ADAM32: variants seen among roughly 807,000 people sequenced by gnomAD.
ADAM32 encodes disintegrin and metalloproteinase domain-containing protein 32.
In ADAM32, 89 loss-of-function variants were observed where a neutral mutation model predicts 114.9. The ratio of observed to expected loss-of-function variants is 0.77; its 90% CI spans 0.65 to 0.92. ADAM32 has a LOEUF of 0.92. Ranked by LOEUF, ADAM32 falls within the 40% of genes least tolerant of loss-of-function variation. The pLI is 0.00. For missense variants in ADAM32, 870 were observed against 932.8 expected (o/e 0.93, Z 0.88); for synonymous variants, 285 against 307.5 (o/e 0.93, Z 0.77).
chr8:39,258,615 G>A (rs1042268456), intron 19 of ADAM32, among the ~76,000 whole-genome samples: 1 of 151,916 alleles, frequency 6.6e-6, no homozygotes, highest in Non-Finnish European at 1.5e-5. Flanking sequence ...TTAAATGTTG[G>A]AACAAAAAAT....
At chr8:39,151,688 T>C (rs1585407841) in intron 6 of ADAM32, 140 bp downstream of exon 6, 15 of 685,816 alleles carry the variant, frequency 2.2e-5, no homozygotes, top group Middle Eastern at 4.4e-4. Context: ...TTTTTTTTTT[T>C]TTTCTCACTC....
In ADAM32 at chr8:39,164,811, C is replaced by G; in HGVS notation, c.642C>G (p.Ile214Met). The change falls in exon 8 of 25, where the codon ATC becomes ATG. Residue 214 changes from isoleucine (I) to methionine (M), a missense_variant. Coordinates refer to ENST00000379907, the MANE Select transcript of ADAM32 (RefSeq NM_145004.7). Reference protein sequence around the residue: ...SDSMIVTNKVIEIVGLANSMF... With the variant: ...SDSMIVTNKVMEIVGLANSMF... The stretch of plus-strand genomic sequence containing the variant: ...GCATGATAGTAACAAATAAAGTCAT[C>G]GAAATTGTTGGCCTTGCAAATTCAG... 6.2e-7 allele frequency: 1 copy of G among 1,607,696 alleles called. No homozygotes were observed. Among genetic ancestry groups the G allele is most frequent in the Non-Finnish European group, 8.5e-7 (1 of 1,176,946 alleles).
chr8:39,178,035 T>C lies in ADAM32; in HGVS notation c.915+8038T>C, dbSNP rs560649831. 1.2e-4 allele frequency among the ~76,000 whole-genome samples: 18 copies of C among 152,256 alleles called. No individual in the cohort carries two copies. In the East Asian group the frequency reaches 3.5e-3, roughly 29 times the overall value. ...CATGGAGTATCTTACTGGGGTTCTC[T>C]GGGTTTCCTGAATTTGAATGTTGGT... On this transcript the variant is annotated intron_variant, in intron 10 of 24. Coordinates refer to ENST00000379907, the MANE Select transcript of ADAM32 (RefSeq NM_145004.7).
intron 2 of ADAM32, among the ~76,000 whole-genome samples, chr8:39,134,188 A>G (rs1802639504): frequency 1.3e-5 from 2 of 152,052 alleles, no homozygotes. Context: ...GTTGGGTCCC[A>G]GGTCAGGATG....
chr8:39,122,414 G>A (rs1038764543), intron 2 of ADAM32, among the ~76,000 whole-genome samples: 3 of 152,096 alleles, frequency 2.0e-5, no homozygotes, highest in Admixed American at 2.0e-4. Flanking sequence ...AGATACAAGA[G>A]GTCCTTGTCT....
At chr8:39,155,013 A>G (rs961502393) in intron 6 of ADAM32, among the ~76,000 whole-genome samples, 4 of 152,160 alleles carry the variant, frequency 2.6e-5, no homozygotes, top group Non-Finnish European at 5.9e-5. Context: ...AAGGCCTTTG[A>G]TAAAATTCAA....
intron 7 of ADAM32, among the ~76,000 whole-genome samples, chr8:39,162,167 C>G (rs577669841): frequency 6.8e-4 from 77 of 113,336 alleles, no homozygotes; most frequent in African/African-American, 2.5e-3. Flanking sequence ...CCCCTCCCCC[C>G]ACCCCACAAT....
chr8:39,183,026 G>T (rs1157780971), intron 10 of ADAM32, among the ~76,000 whole-genome samples: 1 of 152,146 alleles, frequency 6.6e-6, no homozygotes, highest in East Asian at 1.9e-4. Flanking sequence ...CCACTGGCTG[G>T]ACTCTAACAT....
At chr8:39,264,732 T>G (rs1347451180) in intron 19 of ADAM32, among the ~76,000 whole-genome samples, 1 of 152,106 alleles carries the variant, frequency 6.6e-6, no homozygotes, top group African/African-American at 2.4e-5. Flanking sequence ...TGTCCCAGAG[T>G]TTCTGTTATG....
intron 14 of ADAM32, among the ~76,000 whole-genome samples, chr8:39,230,906 T>G (rs1281136451): frequency 1.3e-5 from 2 of 152,180 alleles, no homozygotes; most frequent in Non-Finnish European, 2.9e-5. Context: ...TCTACTTTTG[T>G]CAATAAAGCA....
chr8:39,235,718 T>A (rs540511000), intron 16 of ADAM32, among the ~76,000 whole-genome samples: 2 of 152,316 alleles, frequency 1.3e-5, no homozygotes, highest in African/African-American at 4.8e-5. Context: ...AGTGTCCTTA[T>A]TCAGTGGGGA....
intron 12 of ADAM32, chr8:39,221,171 T>A (rs1808933772): frequency 1.3e-5 from 2 of 154,382 alleles, no homozygotes; most frequent in African/African-American, 4.8e-5. Flanking sequence ...CCACCTTTGT[T>A]TCTTTTTACA....
At position 39,133,275 on chromosome 8, in the gene ADAM32, C is replaced by T. The variant is rs549083595; in HGVS notation, c.139-3382C>T. On this transcript the variant is annotated intron_variant, in intron 2 of 24. Transcript: ENST00000379907. ...TCCTCTCTCACCATGTGATCTGCTCCCCTTTACCTTCCACCATGGATGGAA... is the reference window on the plus strand; with the variant it reads ...TCCTCTCTCACCATGTGATCTGCTCTCCTTTACCTTCCACCATGGATGGAA... Among the ~76,000 whole-genome samples, 14 of 152,280 alleles carry T rather than the reference C, an allele frequency of 9.2e-5. No individual in the cohort carries two copies. The South Asian group carries it at 2.9e-3, about 32-fold the overall frequency.
rs1023611940 is a variant in ADAM32 at position 39,112,833 on chromosome 8, C to T, written c.58+5000C>T. On this transcript the variant is annotated intron_variant, in intron 1 of 24. Transcript: ENST00000379907. ...TAGAGATGTGGGCATCAATAATTAACGATGAAACGCACAGACTAGTAACAG... is the reference window on the plus strand; with the variant it reads ...TAGAGATGTGGGCATCAATAATTAATGATGAAACGCACAGACTAGTAACAG... 2.0e-4 allele frequency among the ~76,000 whole-genome samples: 31 copies of T among 152,126 alleles called. 1 individual carries two copies. Among genetic ancestry groups the T allele is most frequent in the Non-Finnish European group, 5.9e-5 (4 of 68,020 alleles).
intron 10 of ADAM32, among the ~76,000 whole-genome samples, chr8:39,172,486 T>C (rs1398970015): frequency 6.6e-6 from 1 of 152,132 alleles, no homozygotes; most frequent in Admixed American, 6.5e-5. Context: ...CTCCCTTCCC[T>C]GGCCCCCTGA....
At chr8:39,120,321 T>G (rs536388480) in intron 2 of ADAM32, among the ~76,000 whole-genome samples, 1 of 152,142 alleles carries the variant, frequency 6.6e-6, no homozygotes, top group South Asian at 2.1e-4. Context: ...TAGATTGCCT[T>G]GAAGGGACTG....
Position 39,283,629 on chromosome 8 carries a change from G to A in ADAM32, c.2357+5G>A. On this transcript the variant is annotated splice_donor_5th_base_variant and intron_variant, in intron 24 of 24. Transcript: ENST00000379907. Reference sequence around the variant, plus strand: ...TACCCAAACACAAAGCAGTAGGTAAGTATATTAGAAGGTGTTTCTTAAAAT... The same window carrying A: ...TACCCAAACACAAAGCAGTAGGTAAATATATTAGAAGGTGTTTCTTAAAAT... The A allele has an allele frequency of 1.3e-6, 2 of 1,591,580 alleles. No individual in the cohort carries two copies. The highest frequency in any genetic ancestry group is 1.1e-5 in the South Asian group (1 of 89,112).
chr8:39,116,528 CT>C (rs774587788), intron 1 of ADAM32, among the ~76,000 whole-genome samples: 3 of 152,012 alleles, frequency 2.0e-5, no homozygotes, highest in African/African-American at 7.3e-5. Context: ...CTTATTTTGG[CT>C]CTTGGCTTGG....
At chr8:39,135,240 C>T (rs919765390) in intron 2 of ADAM32, among the ~76,000 whole-genome samples, 1 of 152,182 alleles carries the variant, frequency 6.6e-6, no homozygotes, top group African/African-American at 2.4e-5. Flanking sequence ...CACTAAGGAG[C>T]TAGTGTCACC....
Sources: allele counts gnomAD v4.1 joint callset (sites outside exome capture counted in the v4.1 genomes callset), GRCh38; gene constraint gnomAD v4.1.1; transcripts MANE v1.5; gene names NCBI Gene and HGNC (gene_info 2026-07-23, HGNC 2026-07-21).